LPCAT2: variants seen among roughly 807,000 people sequenced by gnomAD.
LPCAT2 encodes 1-AGP acyltransferase 11.
A neutral mutation model predicts 64.7 loss-of-function variants in LPCAT2; 58 were observed. The ratio of observed to expected loss-of-function variants is 0.90; its 90% CI spans 0.73 to 1.12. LPCAT2 has a LOEUF of 1.12. LPCAT2 is among the 50% of genes most tolerant of loss of function. LPCAT2 has a pLI of 0.00. For synonymous variants in LPCAT2, 252 were observed against 245.3 expected (o/e 1.03, Z -0.26); for missense variants, 579 against 669.8 (o/e 0.86, Z 1.50).
At position 55,551,102 on chromosome 16, in the gene LPCAT2, G is replaced by A. The variant is rs1388733528; in HGVS notation, c.1215G>A (p.Arg405=). 1 of 1,603,080 alleles carries A rather than the reference G, an allele frequency of 6.2e-7. No individual in the cohort carries two copies. The highest frequency in any genetic ancestry group is 8.5e-7 in the Non-Finnish European group (1 of 1,173,574). The change falls in exon 11 of 14, where the codon AGG becomes AGA. Residue 405 remains arginine (R), a splice_region_variant and synonymous_variant. Transcript: ENST00000262134. The part of the protein sequence containing the change: ...VLRQLFALFD[R]NHDGSIDFRE... ...GACAACTTTTTGCACTCTTTGACAG[G>A]GTATGTTAAAATTTAATCTTTCACA...
At chr16:55,570,409 A>G (rs1256900961) in intron 11 of LPCAT2, among the ~76,000 whole-genome samples, 3 of 152,052 alleles carry the variant, frequency 2.0e-5, no homozygotes, top group Non-Finnish European at 1.5e-5. Context: ...GATTGCTTTG[A>G]GCCCAGTAGT....
intron 12 of LPCAT2, 47 bp downstream of exon 12, chr16:55,574,776 G>A: frequency 1.5e-6 from 2 of 1,318,398 alleles, no homozygotes; most frequent in Non-Finnish European, 1.1e-6. Flanking sequence ...TTGTAAACAA[G>A]TGTTGACTCT....
intron 8 of LPCAT2, chr16:55,542,051 T>A (rs1320607439): frequency 1.5e-5 from 15 of 990,658 alleles, no homozygotes; most frequent in Non-Finnish European, 1.9e-5. Flanking sequence ...TCCTCATCAT[T>A]TTTTTAGTAG....
intron 1 of LPCAT2, among the ~76,000 whole-genome samples, chr16:55,511,585 C>T (rs1376386828): frequency 1.3e-5 from 2 of 152,010 alleles, no homozygotes; most frequent in African/African-American, 4.8e-5. Flanking sequence ...TGAAGGAAAA[C>T]CAGAGAATAA....
At chr16:55,537,075 T>C (rs1185397597) in intron 7 of LPCAT2, among the ~76,000 whole-genome samples, 4 of 152,148 alleles carry the variant, frequency 2.6e-5, no homozygotes, top group Non-Finnish European at 5.9e-5. Context: ...TACCTTAAAA[T>C]GTGGCCTTGG....
chr16:55,556,236 A>C (rs1193279187), intron 11 of LPCAT2, among the ~76,000 whole-genome samples: 3 of 152,222 alleles, frequency 2.0e-5, no homozygotes, highest in Non-Finnish European at 4.4e-5. Flanking sequence ...GAAACCATGC[A>C]AGTAATTTTA....
chr16:55,583,073 G>A lies in LPCAT2; in HGVS notation c.1610G>A (p.Ser537Asn), dbSNP rs972716803. 5 of 1,612,778 alleles carry A rather than the reference G, an allele frequency of 3.1e-6. No homozygotes were observed. In the African/African-American group the frequency reaches 4.0e-5, roughly 13 times the overall value. ...NKVSPEKHEE[S>N]TSDKKDD ...GTCAGCCCTGAAAAGCATGAAGAGA[G>A]TACCTCAGACAAAAAAGATGACTGA... The change falls in exon 14 of 14, where the codon AGT becomes AAT. Residue 537 changes from serine to asparagine, a missense_variant. Physicochemically the swap from Ser to Asn is conservative, Grantham distance 46. Coordinates refer to ENST00000262134, the MANE Select transcript of LPCAT2 (RefSeq NM_017839.5).
chr16:55,582,997 T>A lies in LPCAT2; in HGVS notation c.1534T>A (p.Phe512Ile), dbSNP rs761321816. The change falls in exon 14 of 14, where the codon TTT (phenylalanine) becomes ATT (isoleucine). Residue 512 changes from phenylalanine to isoleucine, a missense_variant. By Grantham distance (21) the Phe-to-Ile change is conservative. Coordinates refer to ENST00000262134, the MANE Select transcript of LPCAT2 (RefSeq NM_017839.5). ...CCTAGACCTCCAGACGTGCCATGTG[T>A]TTTCATTACCAAAAGAAGTCCAGAC... ...TYLDLQTCHV[F>I]SLPKEVQTTP... 2.5e-6 allele frequency: 4 copies of A among 1,613,806 alleles called. No homozygotes were observed. In the South Asian group the frequency reaches 4.4e-5, roughly 18 times the overall value.
intron 1 of LPCAT2, among the ~76,000 whole-genome samples, chr16:55,512,033 A>G (rs1962939821): frequency 6.6e-6 from 1 of 152,216 alleles, no homozygotes; most frequent in Non-Finnish European, 1.5e-5. Context: ...TTGCACCACC[A>G]TTCAAATAAA....
At chr16:55,531,265 C>A (rs1463239265) in intron 4 of LPCAT2, among the ~76,000 whole-genome samples, 8 of 152,068 alleles carry the variant, frequency 5.3e-5, no homozygotes, top group Non-Finnish European at 8.8e-5. Flanking sequence ...GCAATTTATT[C>A]ATGGCTAAAT....
intron 11 of LPCAT2, among the ~76,000 whole-genome samples, chr16:55,572,751 T>C (rs540948474): frequency 2.6e-5 from 4 of 151,910 alleles, no homozygotes; most frequent in African/African-American, 9.7e-5. Context: ...AGACAAGGAG[T>C]TCAAGCCTGT....
chr16:55,555,270 C>T (rs1360599613), intron 11 of LPCAT2, among the ~76,000 whole-genome samples: 1 of 152,130 alleles, frequency 6.6e-6, no homozygotes, highest in Non-Finnish European at 1.5e-5. Flanking sequence ...GTTGACTGTT[C>T]TTTTCTTTTA....
At chr16:55,553,092 G>A (rs138889705) in intron 11 of LPCAT2, among the ~76,000 whole-genome samples, 2,523 of 152,250 alleles carry the variant, frequency 0.017, 34 homozygotes, top group South Asian at 0.062. Flanking sequence ...TACAAAATTA[G>A]CTGGGCATGG....
chr16:55,529,812 G>C lies in LPCAT2; in HGVS notation c.530-23G>C, dbSNP rs1433930903. On this transcript the variant is annotated intron_variant, in intron 3 of 13. Coordinates refer to ENST00000262134, the MANE Select transcript of LPCAT2 (RefSeq NM_017839.5). ...GCTTTAGCCAAAAAATGGCTTGCCT[G>C]TAACTTTTCATTTGTTTTAAAGGAC... 1.2e-5 allele frequency: 19 copies of C among 1,527,816 alleles called. No individual in the cohort carries two copies. In the East Asian group the frequency reaches 4.4e-4, roughly 35 times the overall value. 94.6% of individuals were successfully genotyped at this position (1,527,816 alleles called of 1,614,324 possible). A position where few individuals can be genotyped will look rare whatever the true frequency, so the allele number is the denominator to read the frequency against.
chr16:55,528,692 TTAAAA>T (rs1963210162), intron 3 of LPCAT2, 98 bp downstream of exon 3: 2 of 889,542 alleles, frequency 2.2e-6, no homozygotes, highest in Non-Finnish European at 3.5e-6. Flanking sequence ...TTTAAAAAGT[TTAAAA>T]TAAACATTTC....
chr16:55,549,160 A>C, intron 9 of LPCAT2, 117 bp from the exon 10 acceptor site: 1 of 754,914 alleles, frequency 1.3e-6, no homozygotes, highest in Non-Finnish European at 2.1e-6. Context: ...TACTGGTTTA[A>C]AAAGTAGTAA....
Position 55,586,521 on chromosome 16 carries a change from T to C in LPCAT2, c.*3423T>C, listed in dbSNP as rs1226294465. On this transcript the variant is annotated 3_prime_UTR_variant, in exon 14 of 14. Coordinates refer to ENST00000262134, the MANE Select transcript of LPCAT2 (RefSeq NM_017839.5). ...TCAATTTTATACATATTTTACTCCA[T>C]CTTTTTTCAAAGTTTCTTACATTTT... 7.9e-6 allele frequency: 1 copy of C among 127,142 alleles called. No individual in the cohort carries two copies. Among genetic ancestry groups the C allele is most frequent in the Non-Finnish European group, 1.5e-5 (1 of 67,460 alleles). The allele number at this position is 127,142 out of a possible 1,614,324, so 7.9% of individuals were successfully genotyped here. A position where few individuals can be genotyped will look rare whatever the true frequency, so the allele number is the denominator to read the frequency against.
At chr16:55,549,814 A>T (rs1234596570) in intron 10 of LPCAT2, among the ~76,000 whole-genome samples, 1 of 152,250 alleles carries the variant, frequency 6.6e-6, no homozygotes, top group Non-Finnish European at 1.5e-5. Flanking sequence ...ACCACTGAAC[A>T]TTAAATACTT....
intron 11 of LPCAT2, among the ~76,000 whole-genome samples, chr16:55,560,675 T>G (rs1390807651): frequency 2.0e-5 from 3 of 152,084 alleles, no homozygotes; most frequent in Non-Finnish European, 4.4e-5. Flanking sequence ...ATCTTCTTCA[T>G]TTTGCAGAAG....
Sources: gnomAD v4.1 joint callset for allele counts (sites outside exome capture counted in the v4.1 genomes callset) on GRCh38, gnomAD v4.1.1 for gene constraint, MANE v1.5 for transcripts, NCBI Gene and HGNC (gene_info 2026-07-23, HGNC 2026-07-21) for gene names.